ROBO1: variants seen among roughly 807,000 people sequenced by gnomAD.
The protein encoded by ROBO1 is roundabout guidance receptor 1.
ROBO1 carries 149 observed loss-of-function variants against 195.9 expected under a neutral mutation model. That is an observed-to-expected ratio of 0.76 (90% confidence interval 0.67 to 0.87). The LOEUF (loss-of-function observed/expected upper bound fraction) is 0.87, where lower values mean the gene tolerates loss of function less well. ROBO1 is among the 40% of genes least tolerant of loss of function. The pLI, the probability that ROBO1 is intolerant of heterozygous loss-of-function variation, is 0.00. For synonymous variants in ROBO1, 816 were observed against 733.2 expected (o/e 1.11, Z -1.82); for missense variants, 1,933 against 2,068.3 (o/e 0.93, Z 1.27).
At chr3:79,462,147 A>G (rs1937672615) in intron 2 of ROBO1, among the ~76,000 whole-genome samples, 1 of 152,186 alleles carries the variant, frequency 6.6e-6, no homozygotes, top group Admixed American at 6.5e-5. Flanking sequence ...TAGAAAAAGT[A>G]GACACTTTTT....
chr3:79,171,087 T>G, intron 2 of ROBO1, among the ~76,000 whole-genome samples: 1 of 150,956 alleles, frequency 6.6e-6, no homozygotes, highest in Admixed American at 6.6e-5. Context: ...AATTATTATT[T>G]TATATAATTT....
chr3:79,326,558 A>G (rs1308732400), intron 2 of ROBO1, among the ~76,000 whole-genome samples: 1 of 152,204 alleles, frequency 6.6e-6, no homozygotes, highest in African/African-American at 2.4e-5. Context: ...TTTGAAAGGT[A>G]AGCATAAAAG....
At chr3:79,394,751 C>T (rs1429559740) in intron 2 of ROBO1, among the ~76,000 whole-genome samples, 2 of 151,958 alleles carry the variant, frequency 1.3e-5, no homozygotes, top group South Asian at 4.1e-4. Flanking sequence ...AACCTGTCAT[C>T]GCCTTTAAGG....
chr3:79,567,636 C>A (rs66929548), intron 2 of ROBO1, among the ~76,000 whole-genome samples: 1 of 151,840 alleles, frequency 6.6e-6, no homozygotes, highest in African/African-American at 2.4e-5. Context: ...AATTTAGAAG[C>A]TTTGACTATT....
chr3:79,370,359 T>TA (rs11312565), intron 2 of ROBO1, among the ~76,000 whole-genome samples: 19 of 149,870 alleles, frequency 1.3e-4, no homozygotes, highest in East Asian at 3.9e-4. Flanking sequence ...ATGTCTCAAG[T>TA]AAAAAAAAAA....
chr3:79,568,620 A>T (rs1943170033), intron 2 of ROBO1, among the ~76,000 whole-genome samples: 3 of 151,892 alleles, frequency 2.0e-5, no homozygotes, highest in Non-Finnish European at 4.4e-5. Flanking sequence ...ATTCTGTGCA[A>T]AATTTGGTTT....
intron 2 of ROBO1, among the ~76,000 whole-genome samples, chr3:79,555,175 C>T (rs1004711591): frequency 2.0e-5 from 3 of 152,020 alleles, no homozygotes; most frequent in Non-Finnish European, 2.9e-5. Flanking sequence ...ATTTGCAGTG[C>T]TTTACATGAT....
rs376853384 is a variant in ROBO1 at position 78,860,326 on chromosome 3, A to ATATATTTTT, written c.499+78274_499+78275insAAAAATATA. Among the ~76,000 whole-genome samples the ATATATTTTT allele has an allele frequency of 8.1e-4, 76 of 93,510 alleles. 1 individual carries two copies. Among genetic ancestry groups the ATATATTTTT allele is most frequent in the African/African-American group, 1.6e-3 (35 of 22,216 alleles). 61.3% of individuals were successfully genotyped at this position (93,510 alleles called of 152,430 possible). A position where few individuals can be genotyped will look rare whatever the true frequency, so the allele number is the denominator to read the frequency against. On this transcript the variant is annotated intron_variant, in intron 4 of 30. Transcript: ENST00000464233. ...ACTATATATATATATATATATATATATTTTTTTTTTTTTACTCATAAGGTG... is the reference window on the plus strand; with the variant it reads ...ACTATATATATATATATATATATATATATATTTTTTTTTTTTTTTTTTACTCATAAGGTG...
At chr3:79,634,424 T>C (rs1257074227) in intron 1 of ROBO1, among the ~76,000 whole-genome samples, 1 of 152,052 alleles carries the variant, frequency 6.6e-6, no homozygotes, top group Non-Finnish European at 1.5e-5. Flanking sequence ...TACTTTGTAA[T>C]TCTGCCAACA....
At chr3:79,526,401 G>A (rs961404386) in intron 2 of ROBO1, 1 of 152,204 alleles carries the variant, frequency 6.6e-6, no homozygotes, top group Admixed American at 6.5e-5. Context: ...AACAGATAGA[G>A]CTATGTCCTG....
intron 4 of ROBO1, among the ~76,000 whole-genome samples, chr3:78,842,531 TTTTATATATATGAGCCATATATA>T (rs1276442988): frequency 1.2e-3 from 134 of 113,706 alleles, no homozygotes; most frequent in East Asian, 2.6e-3. Flanking sequence ...CCATATATAT[TTTTATATATATGAGCCATATATA>T]TTTATATATA....
chr3:79,151,969 C>G (rs1232382070), intron 2 of ROBO1, among the ~76,000 whole-genome samples: 2 of 151,838 alleles, frequency 1.3e-5, no homozygotes, highest in East Asian at 1.9e-4. Flanking sequence ...CTGACATTTT[C>G]TTTTTTAATC....
intron 2 of ROBO1, among the ~76,000 whole-genome samples, chr3:79,150,432 T>C (rs1314809675): frequency 6.6e-6 from 1 of 151,740 alleles, no homozygotes; most frequent in African/African-American, 2.4e-5. Flanking sequence ...TTATGTTGGG[T>C]TGTGTTTCAG....
At position 78,848,147 on chromosome 3, in the gene ROBO1, A is replaced by G. The variant is rs150577709; in HGVS notation, c.499+90454T>C. On this transcript the variant is annotated intron_variant, in intron 4 of 30. Transcript: ENST00000464233. Reference sequence around the variant, plus strand: ...ATAGTTTCTCAACAACCAAGGAAATATGTTAGTTCAAACTGGCCTATTAGC... The same window carrying G: ...ATAGTTTCTCAACAACCAAGGAAATGTGTTAGTTCAAACTGGCCTATTAGC... Among the ~76,000 whole-genome samples, 329 of 152,296 alleles carry G rather than the reference A, an allele frequency of 2.2e-3. 4 individuals are homozygous for G. Among genetic ancestry groups the G allele is most frequent in the African/African-American group, 7.6e-3 (315 of 41,566 alleles).
intron 4 of ROBO1, among the ~76,000 whole-genome samples, chr3:78,892,958 T>C (rs767501783): frequency 3.3e-5 from 5 of 152,168 alleles, no homozygotes; most frequent in Non-Finnish European, 7.4e-5. Flanking sequence ...TGACCTTTGT[T>C]CTTTCTCCCA....
intron 27 of ROBO1, among the ~76,000 whole-genome samples, chr3:78,616,466 T>A (rs1704120324): frequency 6.6e-6 from 1 of 152,138 alleles, no homozygotes; most frequent in Non-Finnish European, 1.5e-5. Context: ...ATTAGAAATC[T>A]TTTTCCTGTA....
intron 2 of ROBO1, among the ~76,000 whole-genome samples, chr3:79,575,375 TATAA>T (rs1186604849): frequency 7.1e-5 from 9 of 127,048 alleles, no homozygotes; most frequent in Admixed American, 4.4e-4. Context: ...AACAAATATA[TATAA>T]ATATAGATAA....
intron 2 of ROBO1, among the ~76,000 whole-genome samples, chr3:79,588,963 A>G (rs1943913422): frequency 1.3e-5 from 2 of 151,862 alleles, no homozygotes; most frequent in South Asian, 4.1e-4. Flanking sequence ...GTGTGGATGA[A>G]CATGACAAGT....
intron 16 of ROBO1, 136 bp from the exon 17 acceptor site, chr3:78,659,943 C>T (rs1373859917): frequency 3.7e-5 from 18 of 487,718 alleles, no homozygotes; most frequent in African/African-American, 8.8e-5. Context: ...TTTTTTGAGA[C>T]GGAGGCTCGC....
Sources: gnomAD v4.1 joint callset for allele counts (sites outside exome capture counted in the v4.1 genomes callset) on GRCh38, gnomAD v4.1.1 for gene constraint, MANE v1.5 for transcripts, NCBI Gene and HGNC (gene_info 2026-07-23, HGNC 2026-07-21) for gene names.